The following EML1 variants were observed in gnomAD, a reference collection of about 807,000 sequenced individuals.
The protein encoded by EML1 is EMAP like 1.
In EML1, 27 loss-of-function variants were observed where a neutral mutation model predicts 110.4. That is an observed-to-expected ratio of 0.24 (90% CI 0.18 to 0.34). EML1 has a LOEUF of 0.34. Ranked by LOEUF, EML1 falls within the 10% of genes least tolerant of loss-of-function variation. EML1 has a pLI of 1.00. For synonymous variants in EML1, 344 were observed against 385.8 expected, an observed-to-expected ratio of 0.89 and a Z score of 1.27; for missense variants, 741 against 1,030.9, an observed-to-expected ratio of 0.72 and a Z score of 3.85.
chr14:99,851,112 C>T, intron 2 of EML1, 77 bp downstream of exon 2: 2 of 1,456,902 alleles, frequency 1.4e-6, no homozygotes, highest in Non-Finnish European at 1.9e-6. Context: ...ACACATTGTG[C>T]TCTTTAATAT....
chr14:99,907,849 G>C, intron 10 of EML1, 116 bp downstream of exon 10: 1 of 872,690 alleles, frequency 1.1e-6, no homozygotes. Context: ...TGTGTATGAC[G>C]CCTTCACCTT....
chr14:99,877,048 G>A (rs1663739681), intron 3 of EML1, among the ~76,000 whole-genome samples: 2 of 152,164 alleles, frequency 1.3e-5, no homozygotes. Flanking sequence ...CTGTAACAAA[G>A]TCCATAGACT....
intron 17 of EML1, among the ~76,000 whole-genome samples, chr14:99,924,654 C>T (rs1417935372): frequency 6.6e-6 from 1 of 152,142 alleles, no homozygotes; most frequent in African/African-American, 2.4e-5. Flanking sequence ...ATATTAATAT[C>T]ACTACATTTT....
intron 1 of EML1, among the ~76,000 whole-genome samples, chr14:99,755,275 T>TG (rs1469330853): frequency 6.6e-6 from 1 of 152,056 alleles, no homozygotes; most frequent in African/African-American, 2.4e-5. Context: ...CCAGCAGCCT[T>TG]GGGGGCCTGG....
At chr14:99,801,711 G>C (rs1251388871) in intron 1 of EML1, among the ~76,000 whole-genome samples, 1 of 152,014 alleles carries the variant, frequency 6.6e-6, no homozygotes, top group Non-Finnish European at 1.5e-5. Context: ...CACCCCAAAC[G>C]TCTCATCATC....
In EML1 at chr14:99,827,250, C is replaced by T. The variant is rs1481157031; in HGVS notation, c.68-23603C>T. On this transcript the variant is annotated intron_variant, in intron 1 of 21. Coordinates refer to ENST00000262233, the MANE Select transcript of EML1 (RefSeq NM_004434.3). This position sits in a 1 kb window ranked among gnomAD's most constrained non-coding sequence, Gnocchi z 4.4. The stretch of plus-strand genomic sequence containing the variant: ...TCACAGACACGTAGAGGAGGATGAC[C>T]ACCTGAAGACACAGGGAGAAGATGG... Among the ~76,000 whole-genome samples, 1 of 151,868 alleles carries T rather than the reference C, an allele frequency of 6.6e-6. No homozygotes were observed. The highest frequency in any genetic ancestry group is 1.5e-5 in the Non-Finnish European group (1 of 67,954).
chr14:99,916,249 A>G (rs1257676367), intron 15 of EML1, among the ~76,000 whole-genome samples: 3 of 152,164 alleles, frequency 2.0e-5, no homozygotes, highest in African/African-American at 7.2e-5. Flanking sequence ...ACTTCTCAAA[A>G]TTGTTACGAG....
upstream of EML1, among the ~76,000 whole-genome samples, chr14:99,789,663 C>A (rs114770170): frequency 6.6e-6 from 1 of 152,206 alleles, no homozygotes; most frequent in Admixed American, 6.5e-5. Flanking sequence ...TTGGATTAAA[C>A]AATAGATGCA....
At chr14:99,766,432 G>A (rs1469777947) in intron 1 of EML1, among the ~76,000 whole-genome samples, 2 of 151,838 alleles carry the variant, frequency 1.3e-5, no homozygotes, top group African/African-American at 4.8e-5. Context: ...GATCTTAGGG[G>A]ATCCACCCAC....
intron 10 of EML1, 22 bp downstream of exon 10, chr14:99,907,755 G>A (rs1178342999): frequency 6.2e-7 from 1 of 1,612,186 alleles, no homozygotes; most frequent in Admixed American, 1.7e-5. Flanking sequence ...AGCCTTTTTT[G>A]GGCTGCATTA....
intron 17 of EML1, among the ~76,000 whole-genome samples, chr14:99,927,915 T>TTGGTGGTGG (rs2060276149): frequency 6.7e-3 from 1 of 150 alleles, no homozygotes; most frequent in Non-Finnish European, 0.01. Flanking sequence ...GGTGGTGGTA[T>TTGGTGGTGG]TGGTGGTGGT....
chr14:99,833,253 T>G (rs936407239), intron 1 of EML1, among the ~76,000 whole-genome samples: 1 of 152,246 alleles, frequency 6.6e-6, no homozygotes, highest in Non-Finnish European at 1.5e-5. Context: ...CAGCCTAATT[T>G]GTTGAAAAGA....
chr14:99,908,434 C>G (rs2059892504), intron 10 of EML1, among the ~76,000 whole-genome samples: 2 of 152,248 alleles, frequency 1.3e-5, no homozygotes, highest in Non-Finnish European at 1.5e-5. Context: ...AGTCACCTAA[C>G]TTTCTCTGCT....
intron 1 of EML1, among the ~76,000 whole-genome samples, chr14:99,745,672 T>G (rs2057100140): frequency 6.6e-6 from 1 of 152,198 alleles, no homozygotes. Flanking sequence ...AGCTCTGTGG[T>G]CCACCCTCGA....
chr14:99,800,569 G>T (rs1157695882), intron 1 of EML1, among the ~76,000 whole-genome samples: 1 of 152,048 alleles, frequency 6.6e-6, no homozygotes, highest in African/African-American at 2.4e-5. Context: ...TTTCTTTGTT[G>T]CTCAGGCTGG....
intron 1 of EML1, among the ~76,000 whole-genome samples, chr14:99,836,731 C>T (rs530696234): frequency 1.3e-5 from 2 of 152,208 alleles, no homozygotes; most frequent in East Asian, 1.9e-4. Context: ...AATTTTGCCT[C>T]GTTGGGTGCT....
intron 17 of EML1, among the ~76,000 whole-genome samples, chr14:99,933,815 C>T (rs1032715860): frequency 7.2e-5 from 11 of 152,320 alleles, no homozygotes; most frequent in Admixed American, 3.9e-4. Context: ...TTGGCCAGGC[C>T]GGGCACGGTG....
intron 17 of EML1, among the ~76,000 whole-genome samples, chr14:99,931,687 G>T (rs1432524310): frequency 6.6e-6 from 1 of 152,158 alleles, no homozygotes; most frequent in Non-Finnish European, 1.5e-5. Context: ...GGGCTCTGTG[G>T]GACCCAAGAA....
At chr14:99,881,423 A>G (rs1164437226) in intron 4 of EML1, among the ~76,000 whole-genome samples, 1 of 152,166 alleles carries the variant, frequency 6.6e-6, no homozygotes, top group Non-Finnish European at 1.5e-5. Flanking sequence ...CCATCTCAGC[A>G]CTATTTCTCA....
Sources: allele counts gnomAD v4.1 joint callset (sites outside exome capture counted in the v4.1 genomes callset), GRCh38; gene constraint gnomAD v4.1.1; non-coding constraint Gnocchi (gnomAD v3.1); transcripts MANE v1.5; gene names NCBI Gene and HGNC (gene_info 2026-07-23, HGNC 2026-07-21).